The following MEF2B variants were observed in gnomAD, a reference collection of about 807,000 sequenced individuals.
MEF2B encodes the protein myocyte-specific enhancer factor 2B.
MEF2B carries 15 observed loss-of-function variants against 32.2 expected under a neutral mutation model. The ratio of observed to expected loss-of-function variants is 0.47; its 90% confidence interval spans 0.31 to 0.72. The LOEUF (loss-of-function observed/expected upper bound fraction) is 0.72, where lower values mean the gene tolerates loss of function less well. MEF2B is among the 30% of genes least tolerant of loss of function. The pLI is 0.05. For synonymous variants in MEF2B, 205 were observed against 225.6 expected (o/e 0.91, Z 0.82); for missense variants, 441 against 511.5 (o/e 0.86, Z 1.33).
intron 1 of MEF2B, among the ~76,000 whole-genome samples, chr19:19,165,380 T>C (rs2060199895): frequency 6.6e-6 from 1 of 151,918 alleles, no homozygotes; most frequent in African/African-American, 2.4e-5. Context: ...GAGGCGGAGA[T>C]TGCAGTGAGC....
At chr19:19,158,045 T>C (rs1419739025) in intron 1 of MEF2B, among the ~76,000 whole-genome samples, 1 of 151,812 alleles carries the variant, frequency 6.6e-6, no homozygotes, top group Non-Finnish European at 1.5e-5. Flanking sequence ...TCAACTCTAG[T>C]GGTTTGTGCA....
intron 1 of MEF2B, among the ~76,000 whole-genome samples, chr19:19,160,776 C>T (rs531053961): frequency 3.9e-5 from 6 of 152,080 alleles, no homozygotes; most frequent in African/African-American, 1.2e-4. Context: ...TCATTATGGG[C>T]GACAGGAAGA....
At chr19:19,155,114 A>G (rs2060111551) in intron 1 of MEF2B, among the ~76,000 whole-genome samples, 1 of 152,098 alleles carries the variant, frequency 6.6e-6, no homozygotes, top group Non-Finnish European at 1.5e-5. Flanking sequence ...CCAACCAAAC[A>G]CAGCTCTGAG....
At chr19:19,149,458 A>G in intron 2 of MEF2B, 29 bp from the exon 3 acceptor site, 1 of 1,613,324 alleles carries the variant, frequency 6.2e-7, no homozygotes, top group East Asian at 2.2e-5. Context: ...GGGGCAGGGG[A>G]GAGAAGAAGA....
intron 1 of MEF2B, among the ~76,000 whole-genome samples, chr19:19,151,537 C>T (rs767957398): frequency 3.9e-5 from 6 of 152,234 alleles, no homozygotes; most frequent in African/African-American, 7.2e-5. Flanking sequence ...GTCCTGCAGC[C>T]GCCGCCCTCT....
chr19:19,156,389 A>G (rs2060120634), intron 1 of MEF2B, among the ~76,000 whole-genome samples: 1 of 151,762 alleles, frequency 6.6e-6, no homozygotes, highest in African/African-American at 2.4e-5. Context: ...CGAGACCCCT[A>G]TCTCTAAAAA....
intron 1 of MEF2B, among the ~76,000 whole-genome samples, chr19:19,158,612 T>G (rs2060137284): frequency 7.1e-6 from 1 of 140,556 alleles, no homozygotes; most frequent in Non-Finnish European, 1.5e-5. Flanking sequence ...AAAAAAAAAT[T>G]AGCTAAGTGT....
intron 1 of MEF2B, among the ~76,000 whole-genome samples, chr19:19,152,159 C>T (rs1160117561): frequency 1.3e-5 from 2 of 151,512 alleles, no homozygotes; most frequent in African/African-American, 4.8e-5. Context: ...CGAGGTTTCA[C>T]CATGTTGGTC....
intron 1 of MEF2B, among the ~76,000 whole-genome samples, chr19:19,165,215 A>T (rs1197382449): frequency 1.3e-5 from 2 of 152,114 alleles, no homozygotes; most frequent in Admixed American, 6.5e-5. Context: ...ACATAACCGT[A>T]TCTGGGAAGA....
chr19:19,152,893 A>G (rs2060094685), intron 1 of MEF2B, among the ~76,000 whole-genome samples: 1 of 152,138 alleles, frequency 6.6e-6, no homozygotes, highest in African/African-American at 2.4e-5. Context: ...TGGGTCTCTG[A>G]GCCCCCACAA....
At chr19:19,162,683 C>T (rs994080506) in intron 1 of MEF2B, among the ~76,000 whole-genome samples, 3 of 152,158 alleles carry the variant, frequency 2.0e-5, no homozygotes, top group African/African-American at 4.8e-5. Flanking sequence ...AGGGACAGCT[C>T]CTGTTCGAGG....
At chr19:19,168,865 A>G (rs1327814146) in intron 1 of MEF2B, among the ~76,000 whole-genome samples, 5 of 151,206 alleles carry the variant, frequency 3.3e-5, no homozygotes, top group African/African-American at 4.9e-5. Flanking sequence ...CCTGGCAAAC[A>G]TGGTGAAACA....
intron 1 of MEF2B, among the ~76,000 whole-genome samples, chr19:19,166,787 G>A (rs1465590003): frequency 6.7e-6 from 1 of 149,684 alleles, no homozygotes; most frequent in Non-Finnish European, 1.5e-5. Context: ...AGAAGGGCAG[G>A]GCGTGGTGGC....
chr19:19,161,152 C>A (rs757234185), intron 1 of MEF2B, among the ~76,000 whole-genome samples: 1 of 151,984 alleles, frequency 6.6e-6, no homozygotes, highest in Non-Finnish European at 1.5e-5. Flanking sequence ...TTTACAGATG[C>A]GGGGAGGATT....
In MEF2B at chr19:19,145,983, G is replaced by T; in HGVS notation, c.921C>A (p.Arg307=). The T allele has an allele frequency of 7.0e-7, 1 of 1,437,418 alleles. No homozygotes were observed. The allele number at this position is 1,437,418 out of a possible 1,614,324, so 89.0% of individuals were successfully genotyped here. A position where few individuals can be genotyped will look rare whatever the true frequency, so the allele number is the denominator to read the frequency against. The change falls in exon 9 of 9, where the codon CGC becomes CGA. Residue 307 remains arginine, a synonymous_variant. Transcript: ENST00000424583. This position sits in a 1 kb window ranked among gnomAD's most constrained non-coding sequence, Gnocchi z 4.6. ...RSLGEEGPPT[R]GASPPTPPVS... is the part of the protein sequence containing the mutation. ...CTGGGGGGGTCGGCGGGGAGGCGCC[G>T]CGGGTTGGGGGACCCTCCTCGCCCA...
intron 2 of MEF2B, among the ~76,000 whole-genome samples, chr19:19,150,166 GGGAAGGAGGGAGGGAGGGAA>G (rs1343123438): frequency 2.5e-5 from 3 of 121,320 alleles, no homozygotes; most frequent in Non-Finnish European, 1.7e-5. Context: ...GAGGGAGGGA[GGGAAGGAGGGAGGGAGGGAA>G]GGAAGGAAGG....
intron 1 of MEF2B, among the ~76,000 whole-genome samples, chr19:19,165,220 G>A (rs544546412): frequency 6.6e-6 from 1 of 152,280 alleles, no homozygotes; most frequent in Non-Finnish European, 1.5e-5. Context: ...ACCGTATCTG[G>A]GAAGACGGCC....
rs746816234 is a variant in MEF2B, at chr19:19,147,854, G to C, written c.259-22C>G. The C allele has an allele frequency of 2.5e-6, 4 of 1,609,632 alleles. No individual in the cohort carries two copies. In the Admixed American group the frequency reaches 6.7e-5, roughly 27 times the overall value. On this transcript the variant is annotated intron_variant, in intron 3 of 8. Coordinates refer to ENST00000424583, the MANE Select transcript of MEF2B (RefSeq NM_001145785.2). ...GCGTCTATGGGGACAGGAGACAACA[G>C]GGTAGACCCTTACCCCTACCCCACC...
Position 19,145,589 on chromosome 19 carries a change from C to A in MEF2B, c.*208G>T. 8.2e-7 allele frequency: 1 copy of A among 1,214,562 alleles called. No homozygotes were observed. The highest frequency in any genetic ancestry group is 1.5e-5 in the South Asian group (1 of 66,286). 75.2% of individuals were successfully genotyped at this position (1,214,562 alleles called of 1,614,324 possible). On this transcript the variant is annotated 3_prime_UTR_variant, in exon 9 of 9. Coordinates refer to ENST00000424583, the MANE Select transcript of MEF2B (RefSeq NM_001145785.2). This position sits in a 1 kb window ranked among gnomAD's most constrained non-coding sequence, Gnocchi z 4.6. Reference sequence around the variant, plus strand: ...CAGTCTGGTCCACGGACGCCACGCGCGTTTTATTTGTGGATATACACACAA... The same window carrying A: ...CAGTCTGGTCCACGGACGCCACGCGAGTTTTATTTGTGGATATACACACAA...
Sources: allele counts gnomAD v4.1 joint callset (sites outside exome capture counted in the v4.1 genomes callset), GRCh38; gene constraint gnomAD v4.1.1; non-coding constraint Gnocchi (gnomAD v3.1); transcripts MANE v1.5; gene names NCBI Gene and HGNC (gene_info 2026-07-23, HGNC 2026-07-21).